The following ZC3H8 variants were observed in gnomAD, a reference collection of about 807,000 sequenced individuals.
The protein encoded by ZC3H8 is zinc finger CCCH domain-containing protein 8.
Under a neutral mutation model 42.5 loss-of-function variants are expected in ZC3H8, and 27 were observed. The observed-to-expected ratio is 0.64, with a 90% CI of 0.47 to 0.88. The LOEUF (loss-of-function observed/expected upper bound fraction) is 0.88, where lower values mean the gene tolerates loss of function less well. Ranked by LOEUF, ZC3H8 falls within the 40% of genes least tolerant of loss-of-function variation. The pLI is 0.00. For synonymous variants in ZC3H8, 101 were observed against 110.1 expected, an observed-to-expected ratio of 0.92 and a Z score of 0.52; for missense variants, 277 against 336.1, an observed-to-expected ratio of 0.82 and a Z score of 1.37.
chr2:112,224,702 T>C (rs1684738497), intron 8 of ZC3H8, among the ~76,000 whole-genome samples: 1 of 152,216 alleles, frequency 6.6e-6, no homozygotes, highest in Non-Finnish European at 1.5e-5. Flanking sequence ...AACACCATAC[T>C]GAGCAAAAGA....
rs1685456585 is a variant in ZC3H8 at position 112,238,768 on chromosome 2, G to C, written c.157-240C>G. Among the ~76,000 whole-genome samples, 7 of 152,236 alleles carry C rather than the reference G, an allele frequency of 4.6e-5. No individual in the cohort carries two copies. The South Asian group carries it at 1.4e-3, about 32-fold the overall frequency. On this transcript the variant is annotated intron_variant, in intron 2 of 8. Transcript: ENST00000409573. The stretch of plus-strand genomic sequence containing the variant: ...CCACTATGACATATCTATCCTTAAA[G>C]ATGATTTGAGGGAAAATTCTAAATT...
chr2:112,231,982 TC>T, intron 6 of ZC3H8, 35 bp from the exon 7 acceptor site: 1 of 1,253,862 alleles, frequency 8.0e-7, no homozygotes, highest in Non-Finnish European at 1.1e-6. Context: ...ACAATTTTAA[TC>T]CAATTGAAAT....
chr2:112,238,976 A>G (rs1685468404), intron 2 of ZC3H8, among the ~76,000 whole-genome samples: 1 of 152,276 alleles, frequency 6.6e-6, no homozygotes, highest in South Asian at 2.1e-4. Flanking sequence ...GTAATGGTCC[A>G]TATGAAAACC....
At chr2:112,254,284 A>G (rs930191416) in intron 1 of ZC3H8, among the ~76,000 whole-genome samples, 4 of 152,210 alleles carry the variant, frequency 2.6e-5, no homozygotes, top group African/African-American at 9.6e-5. Context: ...CCAAAAATAT[A>G]ATCTACAAAT....
At chr2:112,248,535 G>A (rs867869262) in intron 2 of ZC3H8, among the ~76,000 whole-genome samples, 2 of 151,882 alleles carry the variant, frequency 1.3e-5, no homozygotes, top group Admixed American at 6.6e-5. Context: ...TTGTTGCCCA[G>A]GCTGGAGTGC....
At chr2:112,243,454 C>T (rs943004035) in intron 2 of ZC3H8, among the ~76,000 whole-genome samples, 20 of 152,104 alleles carry the variant, frequency 1.3e-4, no homozygotes, top group African/African-American at 4.3e-4. Context: ...CCATCTGTAG[C>T]GAAAAGACAT....
intron 6 of ZC3H8, 35 bp from the exon 7 acceptor site, chr2:112,231,982 T>A (rs901280612): frequency 8.0e-7 from 1 of 1,253,746 alleles, no homozygotes; most frequent in Admixed American, 2.1e-5. Context: ...ACAATTTTAA[T>A]CCAATTGAAA....
chr2:112,248,683 T>A (rs1477279993), intron 2 of ZC3H8, among the ~76,000 whole-genome samples: 1 of 152,116 alleles, frequency 6.6e-6, no homozygotes, highest in Non-Finnish European at 1.5e-5. Context: ...AGAGATGGCG[T>A]TTCTCCATGT....
intron 2 of ZC3H8, among the ~76,000 whole-genome samples, chr2:112,245,600 G>C (rs770971789): frequency 5.9e-5 from 9 of 152,192 alleles, no homozygotes; most frequent in Non-Finnish European, 1.3e-4. Flanking sequence ...GATGCAGTGA[G>C]CCAAGGTAAT....
chr2:112,241,801 C>G (rs1685595690), intron 2 of ZC3H8, among the ~76,000 whole-genome samples: 2 of 152,116 alleles, frequency 1.3e-5, no homozygotes, highest in African/African-American at 4.8e-5. Flanking sequence ...TAATAAAGAA[C>G]ATATTACTCT....
At chr2:112,251,968 T>A (rs546710535) in intron 1 of ZC3H8, among the ~76,000 whole-genome samples, 1 of 152,344 alleles carries the variant, frequency 6.6e-6, no homozygotes, top group South Asian at 2.1e-4. Context: ...AGCTACTACT[T>A]CTCAGTCTCC....
In ZC3H8 at chr2:112,212,276, C is replaced by T. The variant is rs1684164823; in HGVS notation, c.*4208G>A. On this transcript the variant is annotated 3_prime_UTR_variant, in exon 9 of 9. Coordinates refer to ENST00000409573, the MANE Select transcript of ZC3H8 (RefSeq NM_032494.3). ...CAAAACCCAATCATCTCCCAAAGGCCCTACCTCCTAACAGTTAGTCCTAGG... is the reference window on the plus strand; with the variant it reads ...CAAAACCCAATCATCTCCCAAAGGCTCTACCTCCTAACAGTTAGTCCTAGG... 6.6e-6 allele frequency: 1 copy of T among 152,236 alleles called. No individual in the cohort carries two copies. Among genetic ancestry groups the T allele is most frequent in the South Asian group, 2.1e-4 (1 of 4,830 alleles). 9.4% of individuals were successfully genotyped at this position (152,236 alleles called of 1,614,324 possible). A position where few individuals can be genotyped will look rare whatever the true frequency, so the allele number is the denominator to read the frequency against.
Position 112,236,598 on chromosome 2 carries a change from T to C in ZC3H8, c.468A>G (p.Ser156=). 2.5e-6 allele frequency: 4 copies of C among 1,614,042 alleles called. No individual in the cohort carries two copies. Among genetic ancestry groups the C allele is most frequent in the Non-Finnish European group, 3.4e-6 (4 of 1,179,894 alleles). The part of the protein sequence containing the change: ...RKWPGPGNKG[S]NALLRNSGSQ... Reference sequence around the variant, plus strand: ...AGCCGCTGTTCCTCAGCAAAGCATTTGATCCTTTGTTTCCAGGGCCAGGCC... The same window carrying C: ...AGCCGCTGTTCCTCAGCAAAGCATTCGATCCTTTGTTTCCAGGGCCAGGCC... Residue 156 remains serine, a synonymous_variant, in exon 4 of 9, where the codon TCA becomes TCG. Coordinates refer to ENST00000409573, the MANE Select transcript of ZC3H8 (RefSeq NM_032494.3).
intron 1 of ZC3H8, among the ~76,000 whole-genome samples, chr2:112,254,652 C>G (rs985162583): frequency 1.3e-5 from 2 of 152,228 alleles, no homozygotes; most frequent in Non-Finnish European, 2.9e-5. Flanking sequence ...GCCTCCACCC[C>G]GCTCCCCCGC....
In ZC3H8 at chr2:112,233,973, C is replaced by T. The variant is rs1685207138; in HGVS notation, c.621+147G>A. The T allele has an allele frequency of 1.6e-5, 8 of 512,234 alleles. 1 individual carries two copies. The South Asian group carries it at 3.1e-4, about 20-fold the overall frequency. The allele number at this position is 512,234 out of a possible 1,614,324, so 31.7% of individuals were successfully genotyped here. A position where few individuals can be genotyped will look rare whatever the true frequency, so the allele number is the denominator to read the frequency against. On this transcript the variant is annotated intron_variant, in intron 5 of 8. Coordinates refer to ENST00000409573, the MANE Select transcript of ZC3H8 (RefSeq NM_032494.3). ...TTACAGGCCTGGCTACTTTTTTAAA[C>T]ATAAAAGAATACTTCACTAAAATTT... is the stretch of plus-strand genomic sequence containing the variant.
At chr2:112,224,698 A>C (rs916070150) in intron 8 of ZC3H8, among the ~76,000 whole-genome samples, 1 of 152,244 alleles carries the variant, frequency 6.6e-6, no homozygotes, top group Non-Finnish European at 1.5e-5. Context: ...TGAAAACACC[A>C]TACTGAGCAA....
Position 112,215,100 on chromosome 2 carries a change from A to T in ZC3H8, c.*1384T>A, listed in dbSNP as rs1684274861. The T allele has an allele frequency of 6.6e-6, 1 of 152,154 alleles. No individual in the cohort carries two copies. The highest frequency in any genetic ancestry group is 2.1e-4 in the South Asian group (1 of 4,824). The allele number at this position is 152,154 out of a possible 1,614,324, so 9.4% of individuals were successfully genotyped here. ...CTTTATAAGTATCAAACTATTATAC[A>T]TGAGGTAATATTAGGAAGTAAACTG... On this transcript the variant is annotated 3_prime_UTR_variant, in exon 9 of 9. Transcript: ENST00000409573.
At chr2:112,220,776 G>A (rs369640162) in intron 8 of ZC3H8, among the ~76,000 whole-genome samples, 113 of 152,310 alleles carry the variant, frequency 7.4e-4, no homozygotes, top group African/African-American at 2.6e-3. Context: ...AGCTGAGATC[G>A]TGCCATTGCA....
chr2:112,217,146 A>C (rs1684362228), intron 8 of ZC3H8, among the ~76,000 whole-genome samples: 1 of 152,192 alleles, frequency 6.6e-6, no homozygotes. Flanking sequence ...AGGCGGGTGG[A>C]TCACTTGAGC....
Sources: allele counts gnomAD v4.1 joint callset (sites outside exome capture counted in the v4.1 genomes callset), GRCh38; gene constraint gnomAD v4.1.1; transcripts MANE v1.5; gene names NCBI Gene and HGNC (gene_info 2026-07-23, HGNC 2026-07-21).